The following SDK1 variants were observed in gnomAD, a reference collection of about 807,000 sequenced individuals.
SDK1 encodes protein sidekick-1.
A neutral mutation model predicts 245.5 loss-of-function variants in SDK1; 157 were observed. That is an observed-to-expected ratio of 0.64 (90% confidence interval 0.56 to 0.73). The LOEUF is 0.73. SDK1 is among the 30% of genes least tolerant of loss of function. The pLI is 0.00. For missense variants in SDK1, 3,583 were observed against 3,002.3 expected, an observed-to-expected ratio of 1.19 and a Z score of -4.52; for synonymous variants, 1,647 against 1,278.5, an observed-to-expected ratio of 1.29 and a Z score of -6.15.
At chr7:3,575,027 C>T (rs1398346530) in intron 1 of SDK1, among the ~76,000 whole-genome samples, 2 of 152,038 alleles carry the variant, frequency 1.3e-5, no homozygotes, top group Non-Finnish European at 2.9e-5. Context: ...GCCTCCCATT[C>T]CTGTGCAGCC....
chr7:4,155,760 T>C (rs868365894), intron 30 of SDK1, among the ~76,000 whole-genome samples: 4 of 152,150 alleles, frequency 2.6e-5, no homozygotes, highest in African/African-American at 9.7e-5. Context: ...CCTTATTCAA[T>C]CCTTCCACCC....
chr7:4,117,720 A>G (rs1298814424), intron 25 of SDK1, among the ~76,000 whole-genome samples: 1 of 152,152 alleles, frequency 6.6e-6, no homozygotes, highest in African/African-American at 2.4e-5. Flanking sequence ...GCACGCATCC[A>G]GTGTGTCTGC....
intron 1 of SDK1, among the ~76,000 whole-genome samples, chr7:3,513,510 A>G (rs1237538705): frequency 6.6e-6 from 1 of 152,228 alleles, no homozygotes; most frequent in East Asian, 1.9e-4. Context: ...ACAAAGAAGA[A>G]TTAAGACTGA....
At chr7:3,879,598 G>C (rs1781157479) in intron 5 of SDK1, among the ~76,000 whole-genome samples, 1 of 152,176 alleles carries the variant, frequency 6.6e-6, no homozygotes, top group African/African-American at 2.4e-5. Context: ...CCGGTACTCA[G>C]CCTCACTCAG....
intron 2 of SDK1, among the ~76,000 whole-genome samples, chr7:3,627,171 C>G (rs1023881082): frequency 2.6e-5 from 4 of 152,120 alleles, no homozygotes; most frequent in African/African-American, 9.7e-5. Flanking sequence ...TCAAATGATT[C>G]ACCCAGCTTG....
At chr7:4,087,472 C>T (rs1042040294) in intron 22 of SDK1, among the ~76,000 whole-genome samples, 1 of 111,540 alleles carries the variant, frequency 9.0e-6, no homozygotes, top group African/African-American at 6.4e-5. Context: ...CACAGACACA[C>T]ACGCGCGCAC....
chr7:4,185,909 A>C (rs1782867622), intron 35 of SDK1, among the ~76,000 whole-genome samples: 1 of 152,038 alleles, frequency 6.6e-6, no homozygotes, highest in Non-Finnish European at 1.5e-5. Flanking sequence ...AACATAGCCC[A>C]GGCCACCGGC....
chr7:3,653,398 C>T (rs1304764167), intron 4 of SDK1, among the ~76,000 whole-genome samples: 1 of 152,012 alleles, frequency 6.6e-6, no homozygotes, highest in Non-Finnish European at 1.5e-5. Flanking sequence ...TTGGGATTGA[C>T]AAGGTTTAGG....
At chr7:4,110,858 C>A in intron 23 of SDK1, 86 bp downstream of exon 23, 6 of 860,884 alleles carry the variant, frequency 7.0e-6, no homozygotes, top group Non-Finnish European at 9.9e-6. Context: ...AAAACCCAGT[C>A]GTACGTATGC....
chr7:3,728,161 C>T (rs1005319287), intron 4 of SDK1, among the ~76,000 whole-genome samples: 1 of 152,202 alleles, frequency 6.6e-6, no homozygotes, highest in African/African-American at 2.4e-5. Context: ...ATCAGCATGG[C>T]GTGTCACTGT....
At chr7:4,190,153 G>A (rs370121526) in intron 35 of SDK1, among the ~76,000 whole-genome samples, 8 of 152,286 alleles carry the variant, frequency 5.3e-5, no homozygotes, top group Admixed American at 3.3e-4. Context: ...GGTAATTAAC[G>A]TCGCAACCCC....
At chr7:3,610,190 G>A (rs1164274479) in intron 1 of SDK1, among the ~76,000 whole-genome samples, 1 of 152,158 alleles carries the variant, frequency 6.6e-6, no homozygotes, top group Admixed American at 6.6e-5. Flanking sequence ...TCACCATGTG[G>A]ATATCTGTTA....
chr7:3,729,439 G>A (rs1228672481), intron 4 of SDK1, among the ~76,000 whole-genome samples: 2 of 152,204 alleles, frequency 1.3e-5, no homozygotes, highest in East Asian at 1.9e-4. Flanking sequence ...GACATTTGTG[G>A]TTGTCACAAC....
intron 20 of SDK1, among the ~76,000 whole-genome samples, chr7:4,069,997 T>G (rs116449611): frequency 0.013 from 2,026 of 152,268 alleles, 46 homozygotes; most frequent in African/African-American, 0.04. Context: ...ATGCTCACTT[T>G]CCCCATCCAC....
At chr7:4,194,814 C>T (rs1449294140) in intron 35 of SDK1, among the ~76,000 whole-genome samples, 1 of 152,202 alleles carries the variant, frequency 6.6e-6, no homozygotes, top group Non-Finnish European at 1.5e-5. Flanking sequence ...CTCACAGACA[C>T]GCCCAGGATT....
chr7:3,562,888 G>GGAAGCAAATACTTAAATATGAACA, intron 1 of SDK1, among the ~76,000 whole-genome samples: 1 of 151,790 alleles, frequency 6.6e-6, no homozygotes, highest in Non-Finnish European at 1.5e-5. Context: ...AAATATGAAG[G>GGAAGCAAATACTTAAATATGAACA]GAAGCAAATA....
At chr7:3,895,875 C>G (rs1438518697) in intron 5 of SDK1, among the ~76,000 whole-genome samples, 1 of 152,112 alleles carries the variant, frequency 6.6e-6, no homozygotes, top group Non-Finnish European at 1.5e-5. Context: ...TAAGTTCTAA[C>G]TCTTTGGCGA....
intron 4 of SDK1, among the ~76,000 whole-genome samples, chr7:3,798,520 C>T (rs1414599760): frequency 6.6e-6 from 1 of 152,008 alleles, no homozygotes; most frequent in Non-Finnish European, 1.5e-5. Flanking sequence ...CCCAGCCAAA[C>T]TTGACACTCT....
chr7:3,588,691 G>A (rs73673628), intron 1 of SDK1, among the ~76,000 whole-genome samples: 2,094 of 152,250 alleles, frequency 0.014, 36 homozygotes, highest in African/African-American at 0.04. Context: ...TTTAAATTGA[G>A]CAGGTTTTAT....
Sources: gnomAD v4.1 joint callset for allele counts (sites outside exome capture counted in the v4.1 genomes callset) on GRCh38, gnomAD v4.1.1 for gene constraint, MANE v1.5 for transcripts, NCBI Gene and HGNC (gene_info 2026-07-23, HGNC 2026-07-21) for gene names.